Variants in ITGAM observed in about 807,000 individuals in gnomAD.
ITGAM encodes integrin subunit alpha M, also known as integrin alpha-M.
Under a neutral mutation model 137.5 loss-of-function variants are expected in ITGAM, and 79 were observed. That is an observed-to-expected ratio of 0.57 (90% confidence interval 0.48 to 0.69). ITGAM has a LOEUF of 0.69. ITGAM is among the 30% of genes least tolerant of loss of function. ITGAM has a pLI of 0.00. For synonymous variants in ITGAM, 583 were observed against 592.3 expected (o/e 0.98, Z 0.23); for missense variants, 1,343 against 1,483.5 (o/e 0.91, Z 1.56).
At chr16:31,320,031 C>T (rs1315521054) in intron 14 of ITGAM, among the ~76,000 whole-genome samples, 1 of 152,114 alleles carries the variant, frequency 6.6e-6, no homozygotes, top group African/African-American at 2.4e-5. Flanking sequence ...CCAGGATGGT[C>T]TTGATCTCCT....
chr16:31,305,236 AG>A (rs2080253500), intron 14 of ITGAM, among the ~76,000 whole-genome samples: 1 of 152,004 alleles, frequency 6.6e-6, no homozygotes, highest in Admixed American at 6.6e-5. Flanking sequence ...AAAGGGGTTG[AG>A]TTCTTGATTT....
At chr16:31,329,181 G>T (rs750469512) in intron 23 of ITGAM, 47 bp from the exon 24 acceptor site, 3 of 1,303,614 alleles carry the variant, frequency 2.3e-6, no homozygotes, top group Non-Finnish European at 3.3e-6. Flanking sequence ...CCCTCCCAGG[G>T]CACCCCTCAT....
chr16:31,275,490 T>C, intron 8 of ITGAM, 59 bp from the exon 9 acceptor site: 5 of 1,551,308 alleles, frequency 3.2e-6, no homozygotes, highest in Non-Finnish European at 4.4e-6. Context: ...CAGAATTGTC[T>C]TTGCCAGATG....
At chr16:31,303,317 G>A (rs1268740123) in intron 14 of ITGAM, among the ~76,000 whole-genome samples, 1 of 152,140 alleles carries the variant, frequency 6.6e-6, no homozygotes, top group Admixed American at 6.6e-5. Flanking sequence ...GTGAGCCACT[G>A]CACCCAGCCA....
intron 12 of ITGAM, 23 bp downstream of exon 12, chr16:31,278,132 G>T: frequency 3.1e-6 from 5 of 1,594,626 alleles, no homozygotes; most frequent in Non-Finnish European, 4.3e-6. Context: ...TGTGGAGCAT[G>T]AATGTGCAAA....
chr16:31,274,773 C>T (rs2079888422), intron 8 of ITGAM, among the ~76,000 whole-genome samples: 2 of 151,958 alleles, frequency 1.3e-5, no homozygotes, highest in Admixed American at 1.3e-4. Context: ...CACCACCATG[C>T]CTGGCTAATT....
At chr16:31,321,716 C>A in intron 16 of ITGAM, 89 bp downstream of exon 16, 1 of 1,363,524 alleles carries the variant, frequency 7.3e-7, no homozygotes, top group South Asian at 1.3e-5. Context: ...TTCTGGCTGT[C>A]CTGAACTGAG....
chr16:31,330,299 G>A lies in ITGAM; in HGVS notation c.3061-9G>A. ...CCTTACCCGTCCCCTCCCCTCCTGCGTTCCCCAGAACTGCTCCATCGCTGT... is the reference window on the plus strand; with the variant it reads ...CCTTACCCGTCCCCTCCCCTCCTGCATTCCCCAGAACTGCTCCATCGCTGT... On this transcript the variant is annotated splice_polypyrimidine_tract_variant and intron_variant, in intron 26 of 29. Transcript: ENST00000544665. 6.2e-7 allele frequency: 1 copy of A among 1,611,006 alleles called. No homozygotes were observed. Among genetic ancestry groups the A allele is most frequent in the Non-Finnish European group, 8.5e-7 (1 of 1,177,236 alleles).
At position 31,302,408 on chromosome 16, in the gene ITGAM, T is replaced by TCTTTCTTTCTTC. The variant is rs1567267833; in HGVS notation, c.1707+4454_1707+4455insCTTTCTTTCTTC. On this transcript the variant is annotated intron_variant, in intron 14 of 29. Transcript: ENST00000544665. ...CTTTTCTTTTTTCTTTTCTTTTCTTTTTTCTTTCTTTCTTTCTTTCTTCTT... is the reference window on the plus strand; with the variant it reads ...CTTTTCTTTTTTCTTTTCTTTTCTTTCTTTCTTTCTTCTTTCTTTCTTTCTTTCTTTCTTCTT... 1.8e-3 allele frequency among the ~76,000 whole-genome samples: 236 copies of TCTTTCTTTCTTC among 130,844 alleles called. 1 individual carries two copies. The highest frequency in any genetic ancestry group is 3.4e-3 in the African/African-American group (106 of 30,934). 85.8% of individuals were successfully genotyped at this position (130,844 alleles called of 152,430 possible). A position where few individuals can be genotyped will look rare whatever the true frequency, so the allele number is the denominator to read the frequency against.
intron 12 of ITGAM, among the ~76,000 whole-genome samples, chr16:31,292,626 G>A (rs1279540517): frequency 1.3e-5 from 2 of 152,010 alleles, no homozygotes; most frequent in Non-Finnish European, 2.9e-5. Context: ...AGTATTCCAC[G>A]GTGTATATGT....
At chr16:31,326,499 C>G (rs1319812277) in intron 21 of ITGAM, among the ~76,000 whole-genome samples, 2 of 152,166 alleles carry the variant, frequency 1.3e-5, no homozygotes, top group Non-Finnish European at 2.9e-5. Context: ...TCACTGCAAC[C>G]TCTGCCTCCC....
intron 14 of ITGAM, among the ~76,000 whole-genome samples, chr16:31,314,535 G>T (rs1035970609): frequency 6.6e-6 from 1 of 152,056 alleles, no homozygotes; most frequent in African/African-American, 2.4e-5. Flanking sequence ...AGATCAGATG[G>T]TTGTAGATGT....
At chr16:31,290,860 T>C (rs1328946582) in intron 12 of ITGAM, among the ~76,000 whole-genome samples, 1 of 152,146 alleles carries the variant, frequency 6.6e-6, no homozygotes, top group Non-Finnish European at 1.5e-5. Context: ...GCTATGATAA[T>C]AGGTTTTTTC....
At chr16:31,274,610 A>ATTTATTTATT (rs58443776) in intron 8 of ITGAM, among the ~76,000 whole-genome samples, 5,668 of 148,994 alleles carry the variant, frequency 0.038, 294 homozygotes, top group African/African-American at 0.13. Flanking sequence ...TTATTTATTT[A>ATTTATTTATT]TATTTATTTA....
At chr16:31,307,865 T>C (rs1208932169) in intron 14 of ITGAM, among the ~76,000 whole-genome samples, 1 of 152,224 alleles carries the variant, frequency 6.6e-6, no homozygotes, top group East Asian at 1.9e-4. Flanking sequence ...GAAGGGTTGT[T>C]GAATTTTGTC....
At chr16:31,311,305 G>T (rs993422448) in intron 14 of ITGAM, among the ~76,000 whole-genome samples, 2 of 152,174 alleles carry the variant, frequency 1.3e-5, no homozygotes, top group Non-Finnish European at 2.9e-5. Context: ...AAACTAAAGA[G>T]CTGCTGCACA....
chr16:31,331,191 G>A lies in ITGAM; in HGVS notation c.3303G>A (p.Glu1101=), dbSNP rs772521273. Residue 1101 remains glutamate, a synonymous_variant, in exon 29 of 30, where the codon GAG becomes GAA. Coordinates refer to ENST00000544665, the MANE Select transcript of ITGAM (RefSeq NM_000632.4). ...CGGAGACCAAAGTGGAGCCGTTCGAGGTCCCCAACCCCCTGCCGCTCATCG... is the reference window on the plus strand; with the variant it reads ...CGGAGACCAAAGTGGAGCCGTTCGAAGTCCCCAACCCCCTGCCGCTCATCG... ...SQTETKVEPF[E]VPNPLPLIVG... is the part of the protein sequence containing the mutation. 8 of 1,612,332 alleles carry A rather than the reference G, an allele frequency of 5.0e-6. No homozygotes were observed. In the African/African-American group the frequency reaches 5.3e-5, roughly 11 times the overall value.
chr16:31,285,107 T>C (rs1337875024), intron 12 of ITGAM, among the ~76,000 whole-genome samples: 1 of 151,910 alleles, frequency 6.6e-6, no homozygotes, highest in Non-Finnish European at 1.5e-5. Flanking sequence ...TCGTGATCGA[T>C]TGAGCAAGCA....
chr16:31,302,471 CTTTCTTTCTTTCTTT>C (rs2080214856), intron 14 of ITGAM, among the ~76,000 whole-genome samples: 1 of 88,554 alleles, frequency 1.1e-5, no homozygotes, highest in African/African-American at 7.5e-5. Context: ...TTCTTTCTTT[CTTTCTTTCTTTCTTT>C]TTTCTTTCCT....
Sources: gnomAD v4.1 joint callset for allele counts (sites outside exome capture counted in the v4.1 genomes callset) on GRCh38, gnomAD v4.1.1 for gene constraint, MANE v1.5 for transcripts, NCBI Gene and HGNC (gene_info 2026-07-23, HGNC 2026-07-21) for gene names.